Variants in ZSCAN5A observed in about 807,000 individuals in gnomAD.
ZSCAN5A encodes the protein zinc finger and SCAN domain-containing protein 5A.
A neutral mutation model predicts 23.7 loss-of-function variants in ZSCAN5A; 12 were observed. The observed-to-expected ratio is 0.51, with a 90% CI of 0.32 to 0.82. ZSCAN5A has a LOEUF of 0.82. Ranked by LOEUF, ZSCAN5A falls within the 40% of genes least tolerant of loss-of-function variation. The pLI is 0.03. For synonymous variants in ZSCAN5A, 257 were observed against 239.9 expected (o/e 1.07, Z -0.66); for missense variants, 597 against 617.9 (o/e 0.97, Z 0.36).
chr19:56,348,730 A>C (rs1221839864), intron 2 of ZSCAN5A, among the ~76,000 whole-genome samples: 1 of 152,244 alleles, frequency 6.6e-6, no homozygotes, highest in East Asian at 1.9e-4. Context: ...GGAAATTAGC[A>C]GGTTATTATC....
chr19:56,244,218 T>A, intron 2 of ZSCAN5A: 2 of 1,607,600 alleles, frequency 1.2e-6, no homozygotes, highest in Non-Finnish European at 1.7e-6. Flanking sequence ...TCGGACCCCA[T>A]CCAGGCTCTG....
chr19:56,223,038 A>G (rs1972785), intron 4 of ZSCAN5A, among the ~76,000 whole-genome samples: 117,353 of 152,078 alleles, frequency 0.77, 45,381 homozygotes, highest in Middle Eastern at 0.84. Flanking sequence ...TGCACCTGAC[A>G]CTGGAAGGAG....
chr19:56,350,742 T>C (rs766685113), intron 2 of ZSCAN5A, among the ~76,000 whole-genome samples: 10 of 152,156 alleles, frequency 6.6e-5, no homozygotes, highest in Non-Finnish European at 1.3e-4. Context: ...CCACTAACGG[T>C]GGTAATTTTA....
intron 2 of ZSCAN5A, chr19:56,283,906 G>A (rs1486909719): frequency 1.3e-5 from 2 of 151,334 alleles, no homozygotes; most frequent in African/African-American, 4.9e-5. Flanking sequence ...AATGAAGAAC[G>A]GTTCATGATT....
At position 56,340,351 on chromosome 19, in the gene ZSCAN5A, A is replaced by T. The variant is rs564108269; in HGVS notation, c.-358+22884T>A. On this transcript the variant is annotated intron_variant, in intron 2 of 6. Coordinates refer to the ZSCAN5A transcript ENST00000587340. ...GAGCCAGCAGGGCAGCTCTCACTGC[A>T]GACGGAATGAGAAAACTGGAGGAAG... Among the ~76,000 whole-genome samples the T allele has an allele frequency of 1.5e-4, 23 of 152,350 alleles. No individual in the cohort carries two copies. The South Asian group carries it at 4.8e-3, about 32-fold the overall frequency.
chr19:56,240,137 G>A (rs1046633791), intron 2 of ZSCAN5A, among the ~76,000 whole-genome samples: 6 of 151,924 alleles, frequency 3.9e-5, no homozygotes, highest in African/African-American at 7.3e-5. Context: ...ACTCTAGCCT[G>A]GGGGACAGTG....
intron 2 of ZSCAN5A, chr19:56,266,218 G>C (rs1228053774): frequency 6.6e-6 from 1 of 152,158 alleles, no homozygotes; most frequent in African/African-American, 2.4e-5. Context: ...TAACTGCTGA[G>C]AGTATTATGA....
At chr19:56,246,767 A>G in intron 2 of ZSCAN5A, 1 of 1,595,942 alleles carries the variant, frequency 6.3e-7, no homozygotes, top group South Asian at 1.1e-5. Context: ...AAGGAACCCA[A>G]AAAAAGAGCC....
At chr19:56,320,663 A>G (rs2041366208) in intron 2 of ZSCAN5A, 1 of 769,774 alleles carries the variant, frequency 1.3e-6, no homozygotes, top group African/African-American at 1.7e-5. Flanking sequence ...ACGTGAAATC[A>G]TATCCACGGT....
At chr19:56,230,980 C>T (rs1445087927) in intron 2 of ZSCAN5A, among the ~76,000 whole-genome samples, 1 of 152,118 alleles carries the variant, frequency 6.6e-6, no homozygotes, top group Non-Finnish European at 1.5e-5. Context: ...GAATATTCCT[C>T]AGTAACGTAC....
At chr19:56,301,270 G>T (rs2040210083) in intron 2 of ZSCAN5A, among the ~76,000 whole-genome samples, 1 of 152,248 alleles carries the variant, frequency 6.6e-6, no homozygotes, top group South Asian at 2.1e-4. Context: ...ATAAACAAGG[G>T]GTGGATTATT....
intron 2 of ZSCAN5A, among the ~76,000 whole-genome samples, chr19:56,307,292 ATAC>A (rs2040752714): frequency 6.6e-6 from 1 of 152,180 alleles, no homozygotes; most frequent in Non-Finnish European, 1.5e-5. Flanking sequence ...CAACTCGATC[ATAC>A]GATATACCCC....
At chr19:56,320,554 G>C (rs951607030) in intron 2 of ZSCAN5A, 1 of 473,970 alleles carries the variant, frequency 2.1e-6, no homozygotes, top group Non-Finnish European at 3.8e-6. Context: ...GGTGATTGCA[G>C]TGAGCCGAGA....
intron 2 of ZSCAN5A, chr19:56,247,418 C>G: frequency 5.7e-6 from 1 of 175,568 alleles, no homozygotes; most frequent in Non-Finnish European, 1.3e-5. Flanking sequence ...TGTCTAAGAG[C>G]CTTTCGTCGG....
At chr19:56,231,231 T>C (rs1182015247) in intron 2 of ZSCAN5A, among the ~76,000 whole-genome samples, 4 of 152,000 alleles carry the variant, frequency 2.6e-5, no homozygotes. Flanking sequence ...AATGAATACA[T>C]AAATGTTCCC....
At chr19:56,255,797 C>T (rs886139078) in intron 2 of ZSCAN5A, among the ~76,000 whole-genome samples, 5 of 152,026 alleles carry the variant, frequency 3.3e-5, no homozygotes, top group African/African-American at 7.2e-5. Context: ...TATTTCTGCC[C>T]GTTGAGCTGC....
intron 2 of ZSCAN5A, among the ~76,000 whole-genome samples, chr19:56,358,202 C>T (rs984495000): frequency 2.7e-5 from 4 of 148,778 alleles, no homozygotes; most frequent in African/African-American, 5.1e-5. Context: ...CTTACTGCAA[C>T]CTCCACTTTT....
chr19:56,339,352 A>G (rs1198589469), intron 2 of ZSCAN5A, among the ~76,000 whole-genome samples: 2 of 148,616 alleles, frequency 1.3e-5, no homozygotes, highest in Non-Finnish European at 3.0e-5. Context: ...GCATTTAGCA[A>G]TATGTGAAGG....
At chr19:56,334,433 A>G (rs2147440554) in intron 2 of ZSCAN5A, among the ~76,000 whole-genome samples, 1 of 152,364 alleles carries the variant, frequency 6.6e-6, no homozygotes, top group Non-Finnish European at 1.5e-5. Flanking sequence ...AACATGATGT[A>G]TCAGTTACAT....
Sources: allele counts gnomAD v4.1 joint callset (sites outside exome capture counted in the v4.1 genomes callset), GRCh38; gene constraint gnomAD v4.1.1; transcripts MANE v1.5; gene names NCBI Gene and HGNC (gene_info 2026-07-23, HGNC 2026-07-21).